Variants in GABRG3 observed in about 807,000 individuals in gnomAD.
GABRG3 encodes gamma-aminobutyric acid receptor subunit gamma-3.
A neutral mutation model predicts 48.8 loss-of-function variants in GABRG3; 25 were observed. That is an observed-to-expected ratio of 0.51 (90% CI 0.37 to 0.72). The LOEUF (loss-of-function observed/expected upper bound fraction) is 0.72. GABRG3 is among the 30% of genes least tolerant of loss of function. The probability of loss-of-function intolerance (pLI) is 0.00; values close to 1 mark genes in which losing one functional copy is unlikely to be tolerated. For synonymous variants in GABRG3, 227 were observed against 217.6 expected (o/e 1.04, Z -0.38); for missense variants, 394 against 577.9 (o/e 0.68, Z 3.26).
chr15:27,065,422 T>C (rs181064925), intron 3 of GABRG3, among the ~76,000 whole-genome samples: 18 of 152,286 alleles, frequency 1.2e-4, no homozygotes, highest in Admixed American at 8.5e-4. Context: ...AGGAATGTGT[T>C]TTTCCCTGGT....
chr15:27,440,881 A>G (rs1385620794), intron 5 of GABRG3, among the ~76,000 whole-genome samples: 1 of 152,238 alleles, frequency 6.6e-6, no homozygotes, highest in Non-Finnish European at 1.5e-5. Context: ...TGATGTAAAT[A>G]GTATACCCAT....
At chr15:27,280,123 CTTCT>C (rs926124825) in intron 3 of GABRG3, among the ~76,000 whole-genome samples, 2 of 150,642 alleles carry the variant, frequency 1.3e-5, no homozygotes, top group African/African-American at 4.9e-5. Context: ...TTTTCCATTA[CTTCT>C]TTCTTTCTAA....
Position 27,180,954 on chromosome 15 carries a change from C to T in GABRG3, c.271-145855C>T, listed in dbSNP as rs769568114. Among the ~76,000 whole-genome samples, 5 of 152,124 alleles carry T rather than the reference C, an allele frequency of 3.3e-5. No homozygotes were observed. The highest frequency in any genetic ancestry group is 9.7e-5 in the African/African-American group (4 of 41,422). ...AAAACCCCTCTCGCTTTGGGTGTTACGTTCAGCTGCTGAATTGTGCTGACT... is the reference window on the plus strand; with the variant it reads ...AAAACCCCTCTCGCTTTGGGTGTTATGTTCAGCTGCTGAATTGTGCTGACT... On this transcript the variant is annotated intron_variant, in intron 3 of 9. Transcript: ENST00000615808. This position sits in a 1 kb window ranked among gnomAD's most constrained non-coding sequence, Gnocchi z 4.2.
At chr15:27,346,551 C>T (rs1350247411) in intron 5 of GABRG3, among the ~76,000 whole-genome samples, 1 of 151,934 alleles carries the variant, frequency 6.6e-6, no homozygotes, top group African/African-American at 2.4e-5. Context: ...CTTTTTTCTC[C>T]TCCTTTTGTT....
chr15:27,457,929 C>T lies in GABRG3; in HGVS notation c.575-22721C>T, dbSNP rs962465173. On this transcript the variant is annotated intron_variant, in intron 5 of 9. Transcript: ENST00000615808. This position sits in a 1 kb window ranked among gnomAD's most constrained non-coding sequence, Gnocchi z 4.4. The stretch of plus-strand genomic sequence containing the variant: ...CAGGCTCCAGGGCTTTGGGGTCTCT[C>T]GTGGGACCTTATTGATGTAGCTGAA... 2.0e-5 allele frequency among the ~76,000 whole-genome samples: 3 copies of T among 152,178 alleles called. No individual in the cohort carries two copies. Among genetic ancestry groups the T allele is most frequent in the Non-Finnish European group, 4.4e-5 (3 of 68,044 alleles).
intron 5 of GABRG3, among the ~76,000 whole-genome samples, chr15:27,394,573 CTCTG>C (rs1887242881): frequency 6.6e-6 from 1 of 152,048 alleles, no homozygotes; most frequent in Non-Finnish European, 1.5e-5. Context: ...CTTCTGATTA[CTCTG>C]TCTATCCATT....
At chr15:27,002,377 C>T (rs574320853) in intron 2 of GABRG3, among the ~76,000 whole-genome samples, 27 of 152,300 alleles carry the variant, frequency 1.8e-4, no homozygotes, top group African/African-American at 6.5e-4. Context: ...CTTCCTCCCT[C>T]AGCATGGATT....
intron 5 of GABRG3, among the ~76,000 whole-genome samples, chr15:27,465,582 GA>G (rs1270227125): frequency 6.6e-6 from 1 of 152,184 alleles, no homozygotes; most frequent in African/African-American, 2.4e-5. Context: ...ATGATTTCGT[GA>G]CCATAGGCAG....
chr15:27,420,514 A>G (rs775951806), intron 5 of GABRG3, among the ~76,000 whole-genome samples: 12 of 152,176 alleles, frequency 7.9e-5, no homozygotes, highest in Non-Finnish European at 1.8e-4. Context: ...GAATTTGCTA[A>G]GAGAGTAGAT....
intron 5 of GABRG3, among the ~76,000 whole-genome samples, chr15:27,392,446 T>A (rs1363952885): frequency 2.0e-5 from 3 of 152,098 alleles, no homozygotes; most frequent in Admixed American, 6.6e-5. Context: ...TAGACCGGGG[T>A]TATGCGTTTT....
intron 5 of GABRG3, among the ~76,000 whole-genome samples, chr15:27,395,124 C>T (rs1887261974): frequency 6.6e-6 from 1 of 152,204 alleles, no homozygotes; most frequent in Non-Finnish European, 1.5e-5. Flanking sequence ...CTCCCAGTCT[C>T]TGAGGCTCTG....
chr15:27,517,739 T>C (rs1595806213), intron 6 of GABRG3, among the ~76,000 whole-genome samples: 1 of 152,204 alleles, frequency 6.6e-6, no homozygotes, highest in South Asian at 2.1e-4. Flanking sequence ...CAAAAATTAA[T>C]AGACATTAAG....
rs73367754 is a variant in GABRG3 at position 27,035,077 on chromosome 15, T to A, written c.270+8256T>A. On this transcript the variant is annotated intron_variant, in intron 3 of 9. Transcript: ENST00000615808. Reference sequence around the variant, plus strand: ...TCTGAGAGTTCATAGGCCGTCCATCTGGAAGATGAAAGGACCACCACGCAC... The same window carrying A: ...TCTGAGAGTTCATAGGCCGTCCATCAGGAAGATGAAAGGACCACCACGCAC... Among the ~76,000 whole-genome samples, 1,224 of 152,274 alleles carry A rather than the reference T, an allele frequency of 8.0e-3. 22 individuals carry two copies. The highest frequency in any genetic ancestry group is 0.028 in the African/African-American group (1,171 of 41,558).
chr15:27,486,861 T>A (rs953907776), intron 6 of GABRG3, among the ~76,000 whole-genome samples: 7 of 152,196 alleles, frequency 4.6e-5, no homozygotes, highest in Admixed American at 6.5e-5. Flanking sequence ...TCTTTAGTAA[T>A]CATCCACTAA....
rs568660674 is a variant in GABRG3 at position 27,323,148 on chromosome 15, C to G, written c.271-3661C>G. Among the ~76,000 whole-genome samples, 118 of 152,282 alleles carry G rather than the reference C, an allele frequency of 7.7e-4. 1 individual carries two copies. Among genetic ancestry groups the G allele is most frequent in the African/African-American group, 2.7e-3 (112 of 41,564 alleles). ...ATTGCCAGTCACTCTTTGCCTTACCCTGTGTATAGACTAAAAAGGCTCATT... is the reference window on the plus strand; with the variant it reads ...ATTGCCAGTCACTCTTTGCCTTACCGTGTGTATAGACTAAAAAGGCTCATT... On this transcript the variant is annotated intron_variant, in intron 3 of 9. Transcript: ENST00000615808.
chr15:27,234,127 C>T (rs1009488883), intron 3 of GABRG3, among the ~76,000 whole-genome samples: 1 of 152,076 alleles, frequency 6.6e-6, no homozygotes, highest in African/African-American at 2.4e-5. Flanking sequence ...AAAAGGAAAC[C>T]AAAAATCATT....
chr15:27,508,416 T>C (rs547557872), intron 6 of GABRG3, among the ~76,000 whole-genome samples: 3 of 152,324 alleles, frequency 2.0e-5, no homozygotes, highest in Non-Finnish European at 4.4e-5. Flanking sequence ...TCCCTATTAC[T>C]TTCTTCCATC....
chr15:27,371,077 C>T (rs1368600180), intron 5 of GABRG3, among the ~76,000 whole-genome samples: 1 of 152,092 alleles, frequency 6.6e-6, no homozygotes, highest in African/African-American at 2.4e-5. Flanking sequence ...ACCATCATCC[C>T]ATAGTAACCA....
chr15:27,494,517 T>C (rs891982399), intron 6 of GABRG3, among the ~76,000 whole-genome samples: 3 of 152,212 alleles, frequency 2.0e-5, no homozygotes, highest in Non-Finnish European at 2.9e-5. Flanking sequence ...TTCACTTTAC[T>C]TAATGATTAT....
Sources: allele counts gnomAD v4.1 joint callset (sites outside exome capture counted in the v4.1 genomes callset), GRCh38; gene constraint gnomAD v4.1.1; non-coding constraint Gnocchi (gnomAD v3.1); transcripts MANE v1.5; gene names NCBI Gene and HGNC (gene_info 2026-07-23, HGNC 2026-07-21).